The following C5AR1 variants were observed in gnomAD, a reference collection of about 807,000 sequenced individuals.
C5AR1 encodes the protein C5a anaphylatoxin chemotactic receptor 1.
A neutral mutation model predicts 2.4 loss-of-function variants in C5AR1; 4 were observed. The observed-to-expected ratio is 1.65, with a 90% CI of 0.81 to 3.77. The LOEUF is 3.77. Among genes scored for constraint, C5AR1 ranks in the 30% most tolerant of loss-of-function variants. C5AR1 has a pLI of 0.01. For synonymous variants in C5AR1, 209 were observed against 210.4 expected (o/e 0.99, Z 0.06); for missense variants, 418 against 462.5 (o/e 0.90, Z 0.88).
rs539840231 is a variant in C5AR1, at chr19:47,321,917, C to G, written c.*1087C>G. The G allele has an allele frequency of 6.6e-6, 1 of 151,764 alleles. No individual in the cohort carries two copies. Among genetic ancestry groups the G allele is most frequent in the Non-Finnish European group, 1.5e-5 (1 of 68,000 alleles). The allele number at this position is 151,764 out of a possible 1,614,324, so 9.4% of individuals were successfully genotyped here. ...CCCCACACCCCAGCCGTGTCCCTAACCCCTGGCAACCAGGAATCCACTCTC... is the reference window on the plus strand; with the variant it reads ...CCCCACACCCCAGCCGTGTCCCTAAGCCCTGGCAACCAGGAATCCACTCTC... On this transcript the variant is annotated 3_prime_UTR_variant, in exon 2 of 2. Coordinates refer to ENST00000355085, the MANE Select transcript of C5AR1 (RefSeq NM_001736.4).
chr19:47,309,990 C>A, intron 1 of C5AR1, 92 bp downstream of exon 1: 1 of 1,316,904 alleles, frequency 7.6e-7, no homozygotes, highest in Non-Finnish European at 1.1e-6. Flanking sequence ...CCAACTCTCG[C>A]CGTCAACTCT....
rs934735457 is a variant in C5AR1 at position 47,316,005 on chromosome 19, T to C, written c.4-3776T>C. Among the ~76,000 whole-genome samples the C allele has an allele frequency of 6.0e-5, 3 of 50,272 alleles. No individual in the cohort carries two copies. The Admixed American group carries it at 8.3e-4, about 14-fold the overall frequency. The allele number at this position is 50,272 out of a possible 152,430, so 33.0% of individuals were successfully genotyped here. A position where few individuals can be genotyped will look rare whatever the true frequency, so the allele number is the denominator to read the frequency against. The stretch of plus-strand genomic sequence containing the variant: ...CATCCATCCATCCATCCATCCGTTA[T>C]CTAGCTATTTTTTTTTTTTAGACAG... On this transcript the variant is annotated intron_variant, in intron 1 of 1. Coordinates refer to ENST00000355085, the MANE Select transcript of C5AR1 (RefSeq NM_001736.4).
intron 1 of C5AR1, among the ~76,000 whole-genome samples, chr19:47,315,936 TATCC>T (rs567194903): frequency 1.1e-4 from 17 of 152,156 alleles, no homozygotes; most frequent in East Asian, 7.7e-4. Context: ...GTCTCTCCAT[TATCC>T]ATCCATCCAT....
intron 1 of C5AR1, among the ~76,000 whole-genome samples, chr19:47,318,904 T>TC (rs1464953154): frequency 1.4e-5 from 2 of 147,216 alleles, no homozygotes; most frequent in Non-Finnish European, 3.0e-5. Context: ...TTTTTTTTTT[T>TC]AGATGGAGTC....
intron 1 of C5AR1, among the ~76,000 whole-genome samples, chr19:47,318,715 T>C (rs1051703392): frequency 2.0e-5 from 3 of 152,138 alleles, no homozygotes; most frequent in African/African-American, 7.2e-5. Context: ...GATCACTCAG[T>C]GCCCTGATGG....
intron 1 of C5AR1, among the ~76,000 whole-genome samples, chr19:47,318,938 T>G (rs1322586780): frequency 7.2e-6 from 1 of 139,260 alleles, no homozygotes; most frequent in Non-Finnish European, 1.5e-5. Flanking sequence ...CAGGCTGGAG[T>G]GCAATGGGGC....
At chr19:47,317,305 G>A (rs937383388) in intron 1 of C5AR1, among the ~76,000 whole-genome samples, 5 of 151,550 alleles carry the variant, frequency 3.3e-5, no homozygotes, top group South Asian at 2.1e-4. Context: ...CCAGGAGTTC[G>A]AGACCAGCCT....
chr19:47,317,202 A>G (rs1384516755), intron 1 of C5AR1, among the ~76,000 whole-genome samples: 1 of 150,706 alleles, frequency 6.6e-6, no homozygotes, highest in Non-Finnish European at 1.5e-5. Flanking sequence ...CAAAAAAAAA[A>G]AAAAAAAAAA....
In C5AR1 at chr19:47,320,037, T is replaced by G. The variant is rs912744647; in HGVS notation, c.260T>G (p.Leu87Arg). The G allele has an allele frequency of 5.0e-6, 8 of 1,614,118 alleles. No homozygotes were observed. The highest frequency in any genetic ancestry group is 6.8e-6 in the Non-Finnish European group (8 of 1,180,050). Residue 87 changes from leucine to arginine, a missense_variant, in exon 2 of 2, where the codon CTG (leucine) becomes CGG (arginine). By Grantham distance (102) the Leu-to-Arg change is moderately radical. Transcript: ENST00000355085. This position sits in a 1 kb window ranked among gnomAD's most constrained non-coding sequence, Gnocchi z 4.9. ...GCGGTAGCCGACTTCCTCTCCTGCC[T>G]GGCGCTGCCCATCTTGTTCACGTCC... ...NLAVADFLSC[L>R]ALPILFTSIV... is the part of the protein sequence containing the mutation.
intron 1 of C5AR1, among the ~76,000 whole-genome samples, chr19:47,315,527 G>A (rs2059284309): frequency 6.6e-6 from 1 of 152,160 alleles, no homozygotes; most frequent in African/African-American, 2.4e-5. Flanking sequence ...CTGCAGTCAA[G>A]GATTGCTGGG....
chr19:47,311,387 G>A (rs2059269996), intron 1 of C5AR1, among the ~76,000 whole-genome samples: 1 of 151,836 alleles, frequency 6.6e-6, no homozygotes, highest in South Asian at 2.1e-4. Flanking sequence ...GCGGGCGCCT[G>A]TAGTCCCAGC....
intron 1 of C5AR1, among the ~76,000 whole-genome samples, chr19:47,318,023 A>G (rs2059295725): frequency 6.6e-6 from 1 of 151,388 alleles, no homozygotes; most frequent in African/African-American, 2.4e-5. Flanking sequence ...GCAAATTCAA[A>G]TATTTAGAGC....
chr19:47,319,424 T>A (rs2059300766), intron 1 of C5AR1, among the ~76,000 whole-genome samples: 3 of 144,240 alleles, frequency 2.1e-5, no homozygotes, highest in African/African-American at 7.7e-5. Context: ...TCCTCCTACC[T>A]CAGCCTCCGG....
At chr19:47,318,911 A>C (rs1599731669) in intron 1 of C5AR1, among the ~76,000 whole-genome samples, 1 of 94,562 alleles carries the variant, frequency 1.1e-5, no homozygotes, top group East Asian at 3.5e-4. Context: ...TTTTAGATGG[A>C]GTCTCACTCT....
intron 1 of C5AR1, among the ~76,000 whole-genome samples, chr19:47,317,507 C>CAAAAAA (rs5828299): frequency 3.8e-4 from 44 of 115,192 alleles, no homozygotes; most frequent in African/African-American, 1.5e-3. Context: ...GACTCAGTCT[C>CAAAAAA]AAAAAAAAAA....
intron 1 of C5AR1, among the ~76,000 whole-genome samples, chr19:47,317,342 T>G (rs1287038185): frequency 1.3e-5 from 2 of 150,980 alleles, no homozygotes; most frequent in African/African-American, 2.4e-5. Context: ...CCCTCCTCTT[T>G]AAAAAAACAT....
intron 1 of C5AR1, among the ~76,000 whole-genome samples, chr19:47,317,507 C>CAA (rs5828299): frequency 0.3 from 33,970 of 114,330 alleles, 5,459 homozygotes; most frequent in African/African-American, 0.44. Flanking sequence ...GACTCAGTCT[C>CAA]AAAAAAAAAA....
intron 1 of C5AR1, among the ~76,000 whole-genome samples, chr19:47,310,105 A>G (rs1437411119): frequency 5.3e-5 from 8 of 152,046 alleles, no homozygotes; most frequent in Non-Finnish European, 1.0e-4. Context: ...TGGCCATGGG[A>G]ATAAGATTGT....
intron 1 of C5AR1, among the ~76,000 whole-genome samples, chr19:47,311,997 T>C (rs1182949540): frequency 1.3e-5 from 2 of 152,182 alleles, no homozygotes; most frequent in Non-Finnish European, 2.9e-5. Context: ...TAAGGACTAG[T>C]GTGATGCGGG....
Sources: allele counts gnomAD v4.1 joint callset (sites outside exome capture counted in the v4.1 genomes callset), GRCh38; gene constraint gnomAD v4.1.1; non-coding constraint Gnocchi (gnomAD v3.1); transcripts MANE v1.5; gene names NCBI Gene and HGNC (gene_info 2026-07-23, HGNC 2026-07-21).